The following DLD variants were observed in gnomAD, a reference collection of about 807,000 sequenced individuals.
DLD encodes dihydrolipoyl dehydrogenase, mitochondrial.
In DLD, 36 loss-of-function variants were observed where a neutral mutation model predicts 62.2. The ratio of observed to expected loss-of-function variants is 0.58; its 90% CI spans 0.44 to 0.76. The LOEUF (loss-of-function observed/expected upper bound fraction) is 0.76. Ranked by LOEUF, DLD falls within the 30% of genes least tolerant of loss-of-function variation. The pLI is 0.00. For missense variants in DLD, 541 were observed against 608.6 expected (o/e 0.89, Z 1.17); for synonymous variants, 204 against 199.6 (o/e 1.02, Z -0.19).
In DLD at chr7:107,891,196, C is replaced by A; in HGVS notation, c.-55C>A. On this transcript the variant is annotated 5_prime_UTR_variant, in exon 1 of 14. Transcript: ENST00000205402. Reference sequence around the variant, plus strand: ...GGGAGGGGAGACCTTGGCGGAGCGGCGGAGGCGCCCAGCGGAGGTGAAAGT... The same window carrying A: ...GGGAGGGGAGACCTTGGCGGAGCGGAGGAGGCGCCCAGCGGAGGTGAAAGT... 6.2e-7 allele frequency: 1 copy of A among 1,608,956 alleles called. No homozygotes were observed. Among genetic ancestry groups the A allele is most frequent in the African/African-American group, 1.3e-5 (1 of 74,958 alleles).
chr7:107,915,021 G>A (rs2032233195), intron 8 of DLD, among the ~76,000 whole-genome samples: 1 of 152,140 alleles, frequency 6.6e-6, no homozygotes, highest in South Asian at 2.1e-4. Context: ...TCTTGCCCCA[G>A]TTAACTGGGT....
Position 107,918,073 on chromosome 7 carries a change from A to G in DLD, c.1374+12A>G, listed in dbSNP as rs776076463. On this transcript the variant is annotated intron_variant, in intron 12 of 13. Transcript: ENST00000205402. Reference sequence around the variant, plus strand: ...ATATTCTTGGACCAGTGAGTATTGTAAAACCAGAGAAATCCCATTAAGATT... The same window carrying G: ...ATATTCTTGGACCAGTGAGTATTGTGAAACCAGAGAAATCCCATTAAGATT... 9 of 1,613,782 alleles carry G rather than the reference A, an allele frequency of 5.6e-6. No individual in the cohort carries two copies. In the African/African-American group the frequency reaches 1.2e-4, roughly 22 times the overall value.
At chr7:107,898,983 G>A (rs2031808178) in intron 2 of DLD, among the ~76,000 whole-genome samples, 1 of 152,082 alleles carries the variant, frequency 6.6e-6, no homozygotes, top group South Asian at 2.1e-4. Flanking sequence ...GCATCCTTTG[G>A]TACAGGTGAG....
chr7:107,912,355 T>C (rs373645073), intron 8 of DLD, among the ~76,000 whole-genome samples: 2 of 152,306 alleles, frequency 1.3e-5, no homozygotes, highest in African/African-American at 4.8e-5. Context: ...AGTAGTGGAA[T>C]TGCTGGCTCA....
At chr7:107,912,029 A>G (rs1257718971) in intron 8 of DLD, among the ~76,000 whole-genome samples, 1 of 149,108 alleles carries the variant, frequency 6.7e-6, no homozygotes, top group African/African-American at 2.5e-5. Context: ...CTCTATCTCC[A>G]TGAGTTCAGT....
At chr7:107,896,011 T>C (rs2031713735) in intron 2 of DLD, among the ~76,000 whole-genome samples, 1 of 152,172 alleles carries the variant, frequency 6.6e-6, no homozygotes, top group South Asian at 2.1e-4. Flanking sequence ...CCAGCATAAT[T>C]CTATGCATGT....
chr7:107,906,130 C>G (rs1485600477), intron 7 of DLD, 137 bp from the exon 8 acceptor site: 6 of 615,460 alleles, frequency 9.7e-6, no homozygotes, highest in South Asian at 5.8e-5. Context: ...AGTACAGATG[C>G]AACCATCAAT....
upstream of DLD, chr7:107,891,161 T>A: frequency 6.7e-7 from 1 of 1,496,618 alleles, no homozygotes; most frequent in South Asian, 1.1e-5. Flanking sequence ...GCTGCGCCTG[T>A]GCATGCGCAG....
Position 107,919,321 on chromosome 7 carries a change from C to T in DLD, c.*62C>T. On this transcript the variant is annotated 3_prime_UTR_variant, in exon 14 of 14. Coordinates refer to ENST00000205402, the MANE Select transcript of DLD (RefSeq NM_000108.5). ...TGGGAGCTTTTGTAGAAGTCACATT[C>T]CTGAACAGGATATTCTCACAGCTCC... 4.6e-6 allele frequency: 6 copies of T among 1,299,772 alleles called. No homozygotes were observed. Among genetic ancestry groups the T allele is most frequent in the Non-Finnish European group, 6.6e-6 (6 of 912,156 alleles). The allele number at this position is 1,299,772 out of a possible 1,614,324, so 80.5% of individuals were successfully genotyped here.
intron 8 of DLD, among the ~76,000 whole-genome samples, chr7:107,908,740 G>A (rs2032069931): frequency 6.6e-6 from 1 of 151,224 alleles, no homozygotes; most frequent in African/African-American, 2.4e-5. Flanking sequence ...TTTCTTCTAA[G>A]AAAGCTCAAG....
At position 107,919,073 on chromosome 7, in the gene DLD, A is replaced by G. The variant is rs374240742; in HGVS notation, c.1438A>G (p.Ile480Val). Reference sequence around the variant, plus strand: ...GGAATATGGAGCATCCTGTGAAGATATAGCTAGAGTCTGTCATGCACATCC... The same window carrying G: ...GGAATATGGAGCATCCTGTGAAGATGTAGCTAGAGTCTGTCATGCACATCC... ...ALEYGASCED[I>V]ARVCHAHPTL... Residue 480 changes from isoleucine to valine, a missense_variant, in exon 13 of 14, where the codon ATA becomes GTA. Physicochemically the swap from Ile to Val is conservative, Grantham distance 29. Transcript: ENST00000205402. 6.8e-6 allele frequency: 11 copies of G among 1,613,820 alleles called. No homozygotes were observed. Among genetic ancestry groups the G allele is most frequent in the Non-Finnish European group, 6.8e-6 (8 of 1,179,830 alleles).
chr7:107,897,284 G>C (rs1238725305), intron 2 of DLD, among the ~76,000 whole-genome samples: 1 of 152,122 alleles, frequency 6.6e-6, no homozygotes, highest in Non-Finnish European at 1.5e-5. Context: ...GATTGTCCTG[G>C]AGATTATGGG....
At position 107,913,436 on chromosome 7, in the gene DLD, A is replaced by G. The variant is rs75928480; in HGVS notation, c.685-2070A>G. Among the ~76,000 whole-genome samples the G allele has an allele frequency of 1.9e-3, 285 of 151,212 alleles. 1 individual carries two copies. The highest frequency in any genetic ancestry group is 0.014 in the Admixed American group (218 of 15,192). ...AGTGTTTTTTAGTTTTTTATTGTAT[A>G]GATCTTTCACATCTTTGGCTAAATT... is the stretch of plus-strand genomic sequence containing the variant. On this transcript the variant is annotated intron_variant, in intron 8 of 13. Transcript: ENST00000205402.
intron 2 of DLD, among the ~76,000 whole-genome samples, chr7:107,899,023 A>C (rs2031809152): frequency 6.6e-6 from 1 of 152,162 alleles, no homozygotes; most frequent in African/African-American, 2.4e-5. Context: ...CTGACATTTT[A>C]TTATGAAAAA....
chr7:107,899,480 T>C (rs1317275840), intron 2 of DLD, among the ~76,000 whole-genome samples: 1 of 152,000 alleles, frequency 6.6e-6, no homozygotes, highest in Non-Finnish European at 1.5e-5. Context: ...CAAGTTCTTT[T>C]CCAAACCAAA....
rs200704972 is a variant in DLD, at chr7:107,905,525, A to G, written c.582+21A>G. ...TCACGGTATTTATGCTTCATAATTT[A>G]CAACCATTACAACTTTTCTTTAGAA... On this transcript the variant is annotated intron_variant, in intron 7 of 13. Coordinates refer to ENST00000205402, the MANE Select transcript of DLD (RefSeq NM_000108.5). The G allele has an allele frequency of 6.2e-5, 100 of 1,610,064 alleles. 1 individual carries two copies. The African/African-American group carries it at 1.2e-3, about 20-fold the overall frequency.
At chr7:107,900,992 A>C (rs1206099227) in intron 2 of DLD, among the ~76,000 whole-genome samples, 2 of 152,166 alleles carry the variant, frequency 1.3e-5, no homozygotes, top group South Asian at 4.1e-4. Context: ...ACTCCTAAGG[A>C]TACTGATCAA....
Position 107,917,935 on chromosome 7 carries a change from C to T in DLD, c.1248C>T (p.Tyr416=), listed in dbSNP as rs773685921. ...EEQLKEEGIE[Y]KVGKFPFAAN... ...TCTGACTGTCACAGGGTATTGAGTA[C>T]AAAGTTGGGAAATTCCCATTTGCTG... Residue 416 remains tyrosine (Y), a synonymous_variant, in exon 12 of 14, where the codon TAC becomes TAT. Coordinates refer to ENST00000205402, the MANE Select transcript of DLD (RefSeq NM_000108.5). 6.2e-7 allele frequency: 1 copy of T among 1,613,952 alleles called. No individual in the cohort carries two copies. Among genetic ancestry groups the T allele is most frequent in the East Asian group, 2.2e-5 (1 of 44,870 alleles).
Position 107,914,091 on chromosome 7 carries a change from G to A in DLD, c.685-1415G>A, listed in dbSNP as rs181558463. On this transcript the variant is annotated intron_variant, in intron 8 of 13. Transcript: ENST00000205402. The stretch of plus-strand genomic sequence containing the variant: ...TGAATCCTGCTTGATCATGGTGAAT[G>A]ATCTTTTTATGTGTTGTTGAATTCA... Among the ~76,000 whole-genome samples, 7 of 152,132 alleles carry A rather than the reference G, an allele frequency of 4.6e-5. No individual in the cohort carries two copies. The East Asian group carries it at 1.4e-3, about 29-fold the overall frequency.
Sources: gnomAD v4.1 joint callset for allele counts (sites outside exome capture counted in the v4.1 genomes callset) on GRCh38, gnomAD v4.1.1 for gene constraint, MANE v1.5 for transcripts, NCBI Gene and HGNC (gene_info 2026-07-23, HGNC 2026-07-21) for gene names.